The following IPO11 variants were observed in gnomAD, a reference collection of about 807,000 sequenced individuals.
IPO11 encodes importin 11.
A neutral mutation model predicts 143.2 loss-of-function variants in IPO11; 66 were observed. The ratio of observed to expected loss-of-function variants is 0.46; its 90% CI spans 0.38 to 0.57. The LOEUF (loss-of-function observed/expected upper bound fraction) is 0.57, where lower values mean the gene tolerates loss of function less well. Among genes scored for constraint, IPO11 ranks in the 20% least tolerant of loss-of-function variants. The probability of loss-of-function intolerance (pLI) is 0.00; values close to 1 mark genes in which losing one functional copy is unlikely to be tolerated. For missense variants in IPO11, 1,026 were observed against 1,141.0 expected, an observed-to-expected ratio of 0.90 and a Z score of 1.45; for synonymous variants, 385 against 377.8, an observed-to-expected ratio of 1.02 and a Z score of -0.22.
intron 16 of IPO11, among the ~76,000 whole-genome samples, chr5:62,495,805 T>C (rs1368853028): frequency 6.6e-6 from 1 of 152,130 alleles, no homozygotes; most frequent in African/African-American, 2.4e-5. Flanking sequence ...TGTTTTATAA[T>C]GAGTCTATTA....
intron 27 of IPO11, among the ~76,000 whole-genome samples, chr5:62,569,162 A>G (rs1272669912): frequency 1.3e-5 from 2 of 152,156 alleles, no homozygotes; most frequent in Non-Finnish European, 2.9e-5. Flanking sequence ...GGGTGCTGGT[A>G]GTAGCTTCCA....
At chr5:62,518,676 C>T (rs1742105931) in intron 20 of IPO11, among the ~76,000 whole-genome samples, 1 of 151,960 alleles carries the variant, frequency 6.6e-6, no homozygotes, top group Admixed American at 6.6e-5. Context: ...TATCTTTTGG[C>T]TTTTGACACG....
intron 27 of IPO11, among the ~76,000 whole-genome samples, chr5:62,566,696 C>T (rs1743950331): frequency 6.6e-6 from 1 of 150,376 alleles, no homozygotes; most frequent in Non-Finnish European, 1.5e-5. Context: ...CAAAATCGTA[C>T]CACTGCACTC....
chr5:62,595,041 G>A (rs1377348550), intron 28 of IPO11, among the ~76,000 whole-genome samples: 3 of 152,182 alleles, frequency 2.0e-5, no homozygotes, highest in African/African-American at 4.8e-5. Context: ...ACGACAGAAG[G>A]GGTAGATGCT....
chr5:62,490,157 G>A lies in IPO11; in HGVS notation c.1400G>A (p.Ser467Asn). ...VGLAAYELFDSVDFDQWFKNQ... is the reference protein window; with the variant it reads ...VGLAAYELFDNVDFDQWFKNQ... The stretch of plus-strand genomic sequence containing the variant: ...TTAGCTGCTTATGAGCTCTTTGACA[G>A]TGTTGATTTTGATCAGTGGTTTAAA... Residue 467 changes from serine (S) to asparagine (N), a missense_variant, in exon 15 of 30, where the codon AGT (serine) becomes AAT (asparagine). Ser to Asn is a conservative substitution (Grantham distance 46). Coordinates refer to ENST00000325324, the MANE Select transcript of IPO11 (RefSeq NM_016338.5). 6.2e-7 allele frequency: 1 copy of A among 1,606,138 alleles called. No homozygotes were observed. The highest frequency in any genetic ancestry group is 8.5e-7 in the Non-Finnish European group (1 of 1,176,232).
rs114743758 is a variant in IPO11, at chr5:62,592,858, G to A, written c.2678+1186G>A. Among the ~76,000 whole-genome samples, 715 of 152,256 alleles carry A rather than the reference G, an allele frequency of 4.7e-3. 7 individuals carry two copies. The highest frequency in any genetic ancestry group is 0.017 in the African/African-American group (691 of 41,548). On this transcript the variant is annotated intron_variant, in intron 28 of 29. Coordinates refer to ENST00000325324, the MANE Select transcript of IPO11 (RefSeq NM_016338.5). ...CGCCCCCATGATTCAGTTACCTCCA[G>A]CTGGGTCCCTCCCATGACACATGGG...
chr5:62,448,551 T>C (rs1340605645), intron 3 of IPO11, among the ~76,000 whole-genome samples: 3 of 152,192 alleles, frequency 2.0e-5, no homozygotes, highest in East Asian at 3.8e-4. Context: ...AAGAAAACTT[T>C]GTTTTGTTTT....
chr5:62,413,631 C>T (rs1743195985), intron 1 of IPO11, among the ~76,000 whole-genome samples: 1 of 152,118 alleles, frequency 6.6e-6, no homozygotes, highest in South Asian at 2.1e-4. Flanking sequence ...GGTAAATTAC[C>T]TACTAGTGCC....
intron 26 of IPO11, among the ~76,000 whole-genome samples, chr5:62,559,683 G>T (rs972172977): frequency 3.3e-5 from 5 of 151,798 alleles, no homozygotes; most frequent in African/African-American, 1.2e-4. Flanking sequence ...TTGGGAGGCC[G>T]AGGCGGGTGG....
chr5:62,558,965 A>G (rs141758071), intron 26 of IPO11, among the ~76,000 whole-genome samples: 1 of 152,324 alleles, frequency 6.6e-6, no homozygotes, highest in East Asian at 1.9e-4. Context: ...ATTACACTAT[A>G]CTGTAGTATA....
At chr5:62,588,455 A>G (rs1744887461) in intron 27 of IPO11, among the ~76,000 whole-genome samples, 1 of 150,278 alleles carries the variant, frequency 6.7e-6, no homozygotes, top group Admixed American at 6.6e-5. Flanking sequence ...CTAGTCTTGA[A>G]CTCCTGGCTT....
At position 62,561,267 on chromosome 5, in the gene IPO11, T is replaced by C. The variant is rs1743759612; in HGVS notation, c.2582+10T>C. On this transcript the variant is annotated intron_variant, in intron 27 of 29. Coordinates refer to ENST00000325324, the MANE Select transcript of IPO11 (RefSeq NM_016338.5). ...TGCCATCTGATAATAGGTGAGGAAA[T>C]GTTTTCTTAAAATTTGTTTCTTTCA... 1.4e-6 allele frequency: 2 copies of C among 1,426,108 alleles called. No homozygotes were observed. The highest frequency in any genetic ancestry group is 2.4e-5 in the Admixed American group (1 of 41,708). The allele number at this position is 1,426,108 out of a possible 1,614,324, so 88.3% of individuals were successfully genotyped here.
In IPO11 at chr5:62,534,374, G is replaced by T. The variant is rs919234252; in HGVS notation, c.2090-2328G>T. Among the ~76,000 whole-genome samples, 3 of 151,984 alleles carry T rather than the reference G, an allele frequency of 2.0e-5. No individual in the cohort carries two copies. The East Asian group carries it at 5.8e-4, about 29-fold the overall frequency. ...ATCAAATTTGGAAAGGATGAAGCAG[G>T]TTTCTCTAGATTCTCTATAACATAA... On this transcript the variant is annotated intron_variant, in intron 22 of 29. Transcript: ENST00000325324.
chr5:62,469,356 CTTAATT>C (rs1313776915), intron 6 of IPO11, among the ~76,000 whole-genome samples: 1 of 152,212 alleles, frequency 6.6e-6, no homozygotes, highest in Non-Finnish European at 1.5e-5. Flanking sequence ...ACATTCTAAA[CTTAATT>C]TTAATACATT....
Position 62,494,038 on chromosome 5 carries a change from C to A in IPO11, c.1504C>A (p.Gln502Lys). 1 of 1,613,182 alleles carries A rather than the reference C, an allele frequency of 6.2e-7. No homozygotes were observed. The highest frequency in any genetic ancestry group is 1.1e-5 in the South Asian group (1 of 90,882). The change falls in exon 16 of 30, where the codon CAG becomes AAG. Residue 502 changes from glutamine to lysine, a missense_variant. Gln to Lys is a moderately conservative substitution (Grantham distance 53). Transcript: ENST00000325324. ...ACGCAGGGTGATTTGGCTCATCGGT[C>A]AGTGGATTTCTGTGAAATTCAAGTC... Reference protein sequence around the residue: ...LRRRVIWLIGQWISVKFKSDL... With the variant: ...LRRRVIWLIGKWISVKFKSDL...
intron 19 of IPO11, among the ~76,000 whole-genome samples, chr5:62,509,754 A>G (rs1413265012): frequency 6.6e-6 from 1 of 152,162 alleles, no homozygotes; most frequent in Non-Finnish European, 1.5e-5. Context: ...TATATATGCA[A>G]TTGTGTGTGT....
chr5:62,510,571 A>G (rs1250621878), intron 19 of IPO11, among the ~76,000 whole-genome samples: 3 of 152,154 alleles, frequency 2.0e-5, no homozygotes, highest in Admixed American at 6.6e-5. Flanking sequence ...ATACAATACT[A>G]TTATCTAATA....
At chr5:62,564,860 T>C (rs1743881378) in intron 27 of IPO11, among the ~76,000 whole-genome samples, 1 of 152,196 alleles carries the variant, frequency 6.6e-6, no homozygotes, top group Non-Finnish European at 1.5e-5. Context: ...CTACAGACTT[T>C]AGGACCACAC....
chr5:62,601,330 G>C (rs995963338), intron 28 of IPO11: 2 of 152,916 alleles, frequency 1.3e-5, no homozygotes, highest in African/African-American at 4.8e-5. Context: ...ACACAAGGTA[G>C]ATTGTTACAT....
Sources: allele counts gnomAD v4.1 joint callset (sites outside exome capture counted in the v4.1 genomes callset), GRCh38; gene constraint gnomAD v4.1.1; transcripts MANE v1.5; gene names NCBI Gene and HGNC (gene_info 2026-07-23, HGNC 2026-07-21).